EDAR: variants seen among roughly 807,000 people sequenced by gnomAD.
EDAR encodes tumor necrosis factor receptor superfamily member EDAR.
EDAR carries 38 observed loss-of-function variants against 51.3 expected under a neutral mutation model. That is an observed-to-expected ratio of 0.74 (90% CI 0.57 to 0.97). The LOEUF is 0.97. EDAR is among the 50% of genes least tolerant of loss of function. The pLI is 0.00. For missense variants in EDAR, 528 were observed against 595.0 expected (o/e 0.89, Z 1.17); for synonymous variants, 227 against 242.1 (o/e 0.94, Z 0.58).
Position 108,929,398 on chromosome 2 carries a change from CA to C in EDAR, c.175-20del, listed in dbSNP as rs1380005860. 1.2e-6 allele frequency: 2 copies of C among 1,613,406 alleles called. No individual in the cohort carries two copies. The highest frequency in any genetic ancestry group is 2.2e-5 in the East Asian group (1 of 44,896). On this transcript the variant is annotated intron_variant, in intron 3 of 11. Transcript: ENST00000258443. ...CACAGGACTGTCCAGGGAAAGAGGA[CA>C]GGGGACACAGGTGAGTGCAGCAGCC...
intron 5 of EDAR, among the ~76,000 whole-genome samples, chr2:108,920,640 T>C (rs543517258): frequency 6.6e-6 from 1 of 152,326 alleles, no homozygotes; most frequent in South Asian, 2.1e-4. Flanking sequence ...CCAGGACTGA[T>C]CTGCAATCTG....
chr2:108,974,268 T>C (rs1374009584), intron 1 of EDAR, among the ~76,000 whole-genome samples: 1 of 138,138 alleles, frequency 7.2e-6, no homozygotes. Context: ...AGGCGGAGCT[T>C]GCAGTGAGCT....
rs187272592 is a variant in EDAR at position 108,971,722 on chromosome 2, T to C, written c.-19+17238A>G. On this transcript the variant is annotated intron_variant, in intron 1 of 11. Coordinates refer to ENST00000258443, the MANE Select transcript of EDAR (RefSeq NM_022336.4). ...ACAGAAGTTAAAGAGGAGTTGGCAT[T>C]AGAAGTCAGGTGTTGTGGTTTATAA... Among the ~76,000 whole-genome samples the C allele has an allele frequency of 2.6e-5, 4 of 152,328 alleles. No homozygotes were observed. The East Asian group carries it at 7.7e-4, about 29-fold the overall frequency.
intron 11 of EDAR, 102 bp from the exon 12 acceptor site, chr2:108,897,331 T>C: frequency 8.4e-7 from 1 of 1,184,200 alleles, no homozygotes; most frequent in Non-Finnish European, 1.2e-6. Flanking sequence ...TTGAAAAAAA[T>C]TTTTTTAAAA....
rs538266786 is a variant in EDAR, at chr2:108,906,708, G to A, written c.964-340C>T. On this transcript the variant is annotated intron_variant, in intron 10 of 11. Coordinates refer to ENST00000258443, the MANE Select transcript of EDAR (RefSeq NM_022336.4). Reference sequence around the variant, plus strand: ...AGGACATCTGTGCTGCAGCAGAGCCGTGCGGGGCTCCCATCCCGGATCACG... The same window carrying A: ...AGGACATCTGTGCTGCAGCAGAGCCATGCGGGGCTCCCATCCCGGATCACG... Among the ~76,000 whole-genome samples, 126 of 152,364 alleles carry A rather than the reference G, an allele frequency of 8.3e-4. 1 individual carries two copies. Among genetic ancestry groups the A allele is most frequent in the African/African-American group, 2.6e-3 (108 of 41,580 alleles).
intron 11 of EDAR, among the ~76,000 whole-genome samples, chr2:108,904,188 GAC>G (rs1696760424): frequency 6.6e-6 from 1 of 151,794 alleles, no homozygotes; most frequent in Non-Finnish European, 1.5e-5. Flanking sequence ...TACTGAAGAG[GAC>G]ACACAGATGA....
intron 1 of EDAR, among the ~76,000 whole-genome samples, chr2:108,949,231 C>A (rs1697776394): frequency 6.6e-6 from 1 of 152,188 alleles, no homozygotes; most frequent in Non-Finnish European, 1.5e-5. Flanking sequence ...TTCCACCTGC[C>A]TTGCCCTCCC....
chr2:108,985,515 T>C (rs1247336630), intron 1 of EDAR, among the ~76,000 whole-genome samples: 4 of 152,170 alleles, frequency 2.6e-5, no homozygotes, highest in Non-Finnish European at 5.9e-5. Flanking sequence ...TTCTCGGAAA[T>C]GGAAAACAAA....
intron 5 of EDAR, among the ~76,000 whole-genome samples, chr2:108,922,072 C>T (rs1353500073): frequency 6.6e-6 from 1 of 152,222 alleles, no homozygotes; most frequent in African/African-American, 2.4e-5. Context: ...GAGAGGCGCC[C>T]CTGCCGTGAC....
chr2:108,948,691 A>G (rs1697762991), intron 1 of EDAR, among the ~76,000 whole-genome samples: 1 of 152,190 alleles, frequency 6.6e-6, no homozygotes, highest in African/African-American at 2.4e-5. Context: ...CTAACTCAAT[A>G]TCATGAGAAC....
chr2:108,984,690 GT>G (rs147598264), intron 1 of EDAR, among the ~76,000 whole-genome samples: 5 of 150,594 alleles, frequency 3.3e-5, no homozygotes, highest in African/African-American at 7.3e-5. Context: ...TAGTTTGTTT[GT>G]TTTTTTTTCA....
chr2:108,930,984 G>T lies in EDAR; in HGVS notation c.31C>A (p.Pro11Thr), dbSNP rs1697356362. 1.2e-6 allele frequency: 2 copies of T among 1,613,972 alleles called. No homozygotes were observed. Among genetic ancestry groups the T allele is most frequent in the African/African-American group, 1.3e-5 (1 of 75,052 alleles). The part of the protein sequence containing the change: MAHVGDCTQT[P>T]WLPVLVVSLM... ...CTTACCACCAGGACGGGGAGCCAGG[G>T]CGTCTGCGTGCAGTCCCCCACATGG... The change falls in exon 2 of 12, where the codon CCC becomes ACC. Residue 11 changes from proline to threonine, a missense_variant. Coordinates refer to ENST00000258443, the MANE Select transcript of EDAR (RefSeq NM_022336.4).
chr2:108,902,835 A>G (rs903792813), intron 11 of EDAR, among the ~76,000 whole-genome samples: 3 of 152,238 alleles, frequency 2.0e-5, no homozygotes, highest in Non-Finnish European at 2.9e-5. Context: ...AAGATCAGAA[A>G]TAAGGCAAGG....
At chr2:108,915,565 A>C (rs757088898) in intron 5 of EDAR, among the ~76,000 whole-genome samples, 35 of 152,146 alleles carry the variant, frequency 2.3e-4, no homozygotes, top group Non-Finnish European at 4.4e-4. Flanking sequence ...TTGCTTTCTT[A>C]ATTTAGCCTC....
intron 5 of EDAR, among the ~76,000 whole-genome samples, chr2:108,921,154 G>C (rs896341980): frequency 6.6e-6 from 1 of 152,126 alleles, no homozygotes; most frequent in African/African-American, 2.4e-5. Context: ...GTCTCTTTAA[G>C]GATAGGAGGT....
In EDAR at chr2:108,894,606, T is replaced by TTAAAG. The variant is rs1238623385; in HGVS notation, c.*2296_*2300dup. ...TACCCTGGGGTGTTTTCTAAATGTT[T>TTAAAG]TAAAGTATTGCAGAATTATGAATAT... On this transcript the variant is annotated 3_prime_UTR_variant, in exon 12 of 12. Coordinates refer to ENST00000258443, the MANE Select transcript of EDAR (RefSeq NM_022336.4). 5.9e-5 allele frequency: 9 copies of TTAAAG among 152,594 alleles called. No homozygotes were observed. Among genetic ancestry groups the TTAAAG allele is most frequent in the Non-Finnish European group, 8.8e-5 (6 of 68,034 alleles). The allele number at this position is 152,594 out of a possible 1,614,324, so 9.5% of individuals were successfully genotyped here. A position where few individuals can be genotyped will look rare whatever the true frequency, so the allele number is the denominator to read the frequency against.
chr2:108,975,785 C>T (rs983052571), intron 1 of EDAR, among the ~76,000 whole-genome samples: 7 of 152,184 alleles, frequency 4.6e-5, no homozygotes, highest in Middle Eastern at 6.8e-3. Flanking sequence ...AGGCTCCGTG[C>T]GGCATCAGGA....
intron 1 of EDAR, among the ~76,000 whole-genome samples, chr2:108,936,092 C>T (rs539820166): frequency 2.0e-5 from 3 of 152,228 alleles, no homozygotes; most frequent in African/African-American, 4.8e-5. Context: ...GTCCAGCCTC[C>T]GGGACTTCCC....
chr2:108,949,813 A>G (rs1403274501), intron 1 of EDAR, among the ~76,000 whole-genome samples: 3 of 152,222 alleles, frequency 2.0e-5, no homozygotes, highest in Admixed American at 6.5e-5. Flanking sequence ...CCAATGATTT[A>G]TCATGGGTTA....
Sources: gnomAD v4.1 joint callset for allele counts (sites outside exome capture counted in the v4.1 genomes callset) on GRCh38, gnomAD v4.1.1 for gene constraint, MANE v1.5 for transcripts, NCBI Gene and HGNC (gene_info 2026-07-23, HGNC 2026-07-21) for gene names.